The following IKZF3 variants were observed in gnomAD, a reference collection of about 807,000 sequenced individuals.
The protein encoded by IKZF3 is zinc finger protein Aiolos.
A neutral mutation model predicts 49.0 loss-of-function variants in IKZF3; 10 were observed. That is an observed-to-expected ratio of 0.20 (90% confidence interval 0.13 to 0.35). The LOEUF is 0.35. IKZF3 is among the 10% of genes least tolerant of loss of function. The probability of loss-of-function intolerance (pLI) is 1.00; values close to 1 mark genes in which losing one functional copy is unlikely to be tolerated. For synonymous variants in IKZF3, 209 were observed against 228.2 expected, an observed-to-expected ratio of 0.92 and a Z score of 0.76; for missense variants, 498 against 664.8, an observed-to-expected ratio of 0.75 and a Z score of 2.76.
At chr17:39,824,154 G>A (rs1037472079) in intron 3 of IKZF3, among the ~76,000 whole-genome samples, 22 of 152,352 alleles carry the variant, frequency 1.4e-4, no homozygotes, top group East Asian at 7.7e-4. Context: ...TTGCATCAGC[G>A]TGACGTGGAT....
intron 2 of IKZF3, among the ~76,000 whole-genome samples, chr17:39,829,992 T>C (rs988373912): frequency 6.6e-5 from 10 of 152,154 alleles, no homozygotes; most frequent in Non-Finnish European, 8.8e-5. Flanking sequence ...CCAGGGTTCA[T>C]GTACCCTCTG....
At chr17:39,795,272 C>A (rs967283467) in intron 3 of IKZF3, among the ~76,000 whole-genome samples, 1 of 152,182 alleles carries the variant, frequency 6.6e-6, no homozygotes, top group African/African-American at 2.4e-5. Flanking sequence ...GACATAAGGA[C>A]ACAGGGACAG....
intron 7 of IKZF3, among the ~76,000 whole-genome samples, chr17:39,776,206 A>G (rs1299476340): frequency 6.6e-6 from 1 of 152,210 alleles, no homozygotes; most frequent in Non-Finnish European, 1.5e-5. Flanking sequence ...GCACCACAGC[A>G]CGCCAGCCTA....
chr17:39,791,389 C>G (rs764981546), intron 5 of IKZF3, 27 bp downstream of exon 5: 3 of 1,611,206 alleles, frequency 1.9e-6, no homozygotes, highest in Non-Finnish European at 2.5e-6. Context: ...ACTTCCTAGA[C>G]AAGGAATGCT....
chr17:39,852,754 G>C (rs189569578), intron 1 of IKZF3, among the ~76,000 whole-genome samples: 32 of 152,228 alleles, frequency 2.1e-4, no homozygotes, highest in African/African-American at 7.7e-4. Flanking sequence ...GACAGATCAA[G>C]AGGTCAGGAG....
intron 1 of IKZF3, chr17:39,835,398 C>A (rs550879946): frequency 1.5e-5 from 7 of 474,802 alleles, no homozygotes; most frequent in Non-Finnish European, 2.5e-5. Context: ...CCCACACATA[C>A]ACAATGGCGG....
At chr17:39,844,462 A>C (rs2062569805) in intron 1 of IKZF3, among the ~76,000 whole-genome samples, 1 of 152,068 alleles carries the variant, frequency 6.6e-6, no homozygotes. Flanking sequence ...TTCTCTTTTC[A>C]TTCAAGTATC....
At chr17:39,844,166 T>C (rs2062560880) in intron 1 of IKZF3, among the ~76,000 whole-genome samples, 1 of 152,230 alleles carries the variant, frequency 6.6e-6, no homozygotes, top group African/African-American at 2.4e-5. Flanking sequence ...GCAGTCAACA[T>C]AGCTTTGAAA....
chr17:39,821,393 AG>A (rs1250737859), intron 3 of IKZF3, among the ~76,000 whole-genome samples: 7 of 152,272 alleles, frequency 4.6e-5, no homozygotes, highest in African/African-American at 1.7e-4. Flanking sequence ...ATAAAATAAA[AG>A]GGTAGGGGAT....
At position 39,766,266 on chromosome 17, in the gene IKZF3, A is replaced by T. The variant is rs771104416; in HGVS notation, c.1054T>A (p.Ser352Thr). The change falls in exon 8 of 8, where the codon TCA becomes ACA. Residue 352 changes from serine to threonine, a missense_variant. By Grantham distance (58) the Ser-to-Thr change is moderately conservative. Around this residue, in one of 3 missense-constraint regions of IKZF3, gnomAD observed 317 missense variants for 397.3 expected, o/e 0.80. Coordinates refer to ENST00000346872, the MANE Select transcript of IKZF3 (RefSeq NM_012481.5). ...YPIALTRAEM[S>T]NGAPQELEKK... ...TCCAGCTCTTGAGGGGCACCGTTTG[A>T]CATCTCAGCCCGGGTGAGGGCTATG... 3.1e-6 allele frequency: 5 copies of T among 1,614,156 alleles called. No homozygotes were observed. In the South Asian group the frequency reaches 5.5e-5, roughly 18 times the overall value.
At chr17:39,803,758 C>T (rs2061374364) in intron 3 of IKZF3, among the ~76,000 whole-genome samples, 1 of 152,144 alleles carries the variant, frequency 6.6e-6, no homozygotes, top group Non-Finnish European at 1.5e-5. Context: ...GATGATCCGC[C>T]CACCTCGGCC....
rs141629432 is a variant in IKZF3, at chr17:39,858,515, T to C, written c.7+5605A>G. Among the ~76,000 whole-genome samples the C allele has an allele frequency of 6.0e-3, 914 of 152,216 alleles. 13 individuals are homozygous for C. The highest frequency in any genetic ancestry group is 6.3e-3 in the Non-Finnish European group (427 of 68,004). ...ATTACCAAGTACCTAGTTTTTTGTT[T>C]GTTTGTTTGTTTTGAGATGGGGTCT... On this transcript the variant is annotated intron_variant, in intron 1 of 7. Transcript: ENST00000346872.
chr17:39,813,549 T>C (rs1598089323), intron 3 of IKZF3, among the ~76,000 whole-genome samples: 1 of 149,356 alleles, frequency 6.7e-6, no homozygotes, highest in East Asian at 2.0e-4. Flanking sequence ...GAGTCTCGGG[T>C]GGGAGGATCA....
chr17:39,853,471 T>A (rs145203495), intron 1 of IKZF3, among the ~76,000 whole-genome samples: 7 of 152,334 alleles, frequency 4.6e-5, no homozygotes, highest in Middle Eastern at 3.4e-3. Context: ...ATGTATGCTA[T>A]CAGAGTGATG....
chr17:39,763,780 C>A lies in IKZF3; in HGVS notation c.*2010G>T, dbSNP rs2060228867. 1 of 152,184 alleles carries A rather than the reference C, an allele frequency of 6.6e-6. No homozygotes were observed. The highest frequency in any genetic ancestry group is 6.5e-5 in the Admixed American group (1 of 15,268). The allele number at this position is 152,184 out of a possible 1,614,324, so 9.4% of individuals were successfully genotyped here. A position where few individuals can be genotyped will look rare whatever the true frequency, so the allele number is the denominator to read the frequency against. The stretch of plus-strand genomic sequence containing the variant: ...CATATGAATTAAAGCTAGAAGGGAC[C>A]TAAGAGAACATTGAAATCTAATTCC... On this transcript the variant is annotated 3_prime_UTR_variant, in exon 8 of 8. Coordinates refer to ENST00000346872, the MANE Select transcript of IKZF3 (RefSeq NM_012481.5).
At chr17:39,795,553 T>C (rs1251390330) in intron 3 of IKZF3, among the ~76,000 whole-genome samples, 1 of 151,912 alleles carries the variant, frequency 6.6e-6, no homozygotes, top group Non-Finnish European at 1.5e-5. Context: ...ATTACAGGCA[T>C]GCACCACAAT....
Position 39,864,189 on chromosome 17 carries a change from C to T in IKZF3, c.-63G>A. The T allele has an allele frequency of 6.3e-7, 1 of 1,595,280 alleles. No individual in the cohort carries two copies. Among genetic ancestry groups the T allele is most frequent in the South Asian group, 1.1e-5 (1 of 89,886 alleles). On this transcript the variant is annotated 5_prime_UTR_variant, in exon 1 of 8. Coordinates refer to ENST00000346872, the MANE Select transcript of IKZF3 (RefSeq NM_012481.5). ...ACTCGGCCTCTCCACGTGCTCCTGC[C>T]GTCGCCTGGACTCAGCGCGCAGCTG...
At chr17:39,808,950 C>T (rs2061493060) in intron 3 of IKZF3, among the ~76,000 whole-genome samples, 1 of 152,116 alleles carries the variant, frequency 6.6e-6, no homozygotes, top group Non-Finnish European at 1.5e-5. Flanking sequence ...TAACAAAGAG[C>T]CTTTCCTATT....
chr17:39,862,108 G>A (rs2063229137), intron 1 of IKZF3, among the ~76,000 whole-genome samples: 1 of 152,132 alleles, frequency 6.6e-6, no homozygotes, highest in African/African-American at 2.4e-5. Flanking sequence ...TAAGGTCACA[G>A]ATTGTGAGAA....
Sources: allele counts gnomAD v4.1 joint callset (sites outside exome capture counted in the v4.1 genomes callset), GRCh38; gene constraint gnomAD v4.1.1; regional missense constraint gnomAD v4.1.1; transcripts MANE v1.5; gene names NCBI Gene and HGNC (gene_info 2026-07-23, HGNC 2026-07-21).